PLAC1: variants seen among roughly 807,000 people sequenced by gnomAD.
PLAC1 encodes the protein placenta-specific protein 1.
For missense variants in PLAC1, 136 were observed against 163.2 expected, an observed-to-expected ratio of 0.83 and a Z score of 0.91; for synonymous variants, 68 against 62.1, an observed-to-expected ratio of 1.09 and a Z score of -0.44.
chrX:134,659,729 A>C, upstream of PLAC1, among the ~76,000 whole-genome samples: 1 of 112,378 alleles, frequency 8.9e-6, no homozygotes. Flanking sequence ...GTTGATGCAA[A>C]AGTAATTGCG....
chrX:134,659,213 T>A (rs1421549055), upstream of PLAC1, among the ~76,000 whole-genome samples: 3 of 107,835 alleles, frequency 2.8e-5, no homozygotes, highest in Non-Finnish European at 5.8e-5. Context: ...ACTTAAAATT[T>A]AAAAAAAAAA....
In PLAC1 at chrX:134,723,987, G is replaced by GAA. The variant is rs34039114; in HGVS notation, n.174+9446_174+9447dup. Among the ~76,000 whole-genome samples, 58 of 101,472 alleles carry GAA rather than the reference G, an allele frequency of 5.7e-4. No homozygotes were observed. The Middle Eastern group carries it at 0.02, about 36-fold the overall frequency. 88.1% of individuals were successfully genotyped at this position (101,472 alleles called of 115,157 possible). ...AAACGTGTAACCTCAATCTAATCAT[G>GAA]AAAAAAAAAAACATAAAACAAATCT... is the stretch of plus-strand genomic sequence containing the variant. On this transcript the variant is annotated intron_variant and non_coding_transcript_variant, in intron 2 of 2. Coordinates refer to the PLAC1 transcript ENST00000466797.
intron 1 of PLAC1, among the ~76,000 whole-genome samples, chrX:134,640,455 T>C (rs1247011232): frequency 1.8e-5 from 2 of 112,048 alleles, no homozygotes; most frequent in East Asian, 2.8e-4. Context: ...GGACACCTCA[T>C]CTAGCCCTTT....
chrX:134,590,745 A>G (rs2078034767), intron 2 of PLAC1, among the ~76,000 whole-genome samples: 1 of 110,946 alleles, frequency 9.0e-6, no homozygotes, highest in African/African-American at 3.3e-5. Context: ...AGCTGGGACT[A>G]CAGGCTCAAG....
intron 1 of PLAC1, among the ~76,000 whole-genome samples, chrX:134,648,202 C>T (rs1443580310): frequency 9.0e-6 from 1 of 111,200 alleles, no homozygotes; most frequent in Non-Finnish European, 1.9e-5. Flanking sequence ...CAGCTGATAA[C>T]AGCTATCTCT....
chrX:134,570,459 G>A (rs1269713428), intron 2 of PLAC1, among the ~76,000 whole-genome samples: 2 of 111,394 alleles, frequency 1.8e-5, no homozygotes, highest in African/African-American at 3.3e-5. Context: ...TTGGGGACTG[G>A]GGAAGAAATA....
chrX:134,581,903 T>G (rs2077976934), intron 2 of PLAC1, among the ~76,000 whole-genome samples: 1 of 111,910 alleles, frequency 8.9e-6, no homozygotes, highest in African/African-American at 3.3e-5. Context: ...AAACCAGAAG[T>G]GCTGGCCTAT....
chrX:134,605,110 C>A (rs2078116260), intron 1 of PLAC1, among the ~76,000 whole-genome samples: 1 of 111,762 alleles, frequency 8.9e-6, no homozygotes, highest in Non-Finnish European at 1.9e-5. Flanking sequence ...CCCTCTCCAG[C>A]CTGGCTTTCT....
Position 134,619,866 on chromosome X carries a change from A to G in PLAC1, c.-130-17744T>C, listed in dbSNP as rs189528395. On this transcript the variant is annotated intron_variant, in intron 1 of 2. Coordinates refer to ENST00000359237, the MANE Select transcript of PLAC1 (RefSeq NM_021796.4). ...CTCTATTTCCCTAGTGCCCCATGCA[A>G]TTAGAAATGATGATGGCACAGACGA... Among the ~76,000 whole-genome samples the G allele has an allele frequency of 7.2e-5, 8 of 111,848 alleles. No homozygotes were observed. In the East Asian group the frequency reaches 2.2e-3, roughly 31 times the overall value.
chrX:134,687,815 CATATATATATATATATATAT>C (rs56675396), intron 2 of PLAC1, among the ~76,000 whole-genome samples: 367 of 31,136 alleles, frequency 0.012, 12 homozygotes, highest in African/African-American at 0.032. Flanking sequence ...ACTGAGATAA[CATATATATATATATATATAT>C]ATATATATAT....
At position 134,743,252 on chromosome X, in the gene PLAC1, A is replaced by G. The variant is rs889205185; in HGVS notation, n.90-9733T>C. ...CTAAGCCTGAAACCTTGACTCTAACATATATTGCATGTTTTTTCCTAATTC... is the reference window on the plus strand; with the variant it reads ...CTAAGCCTGAAACCTTGACTCTAACGTATATTGCATGTTTTTTCCTAATTC... On this transcript the variant is annotated intron_variant and non_coding_transcript_variant, in intron 1 of 2. Coordinates refer to the PLAC1 transcript ENST00000466797. Among the ~76,000 whole-genome samples, 30 of 112,573 alleles carry G rather than the reference A, an allele frequency of 2.7e-4. 1 individual carries two copies. The highest frequency in any genetic ancestry group is 3.2e-4 in the Non-Finnish European group (17 of 53,300).
chrX:134,751,251 G>A (rs2078744461), intron 1 of PLAC1, among the ~76,000 whole-genome samples: 1 of 108,925 alleles, frequency 9.2e-6, no homozygotes, highest in African/African-American at 3.4e-5. Flanking sequence ...GCTCCTGAAT[G>A]GGACGGTGCA....
At chrX:134,596,936 TC>T (rs200844600) in intron 2 of PLAC1, among the ~76,000 whole-genome samples, 5,943 of 110,969 alleles carry the variant, frequency 0.054, 402 homozygotes, top group African/African-American at 0.19. Context: ...AAGATTGTTT[TC>T]TTTGTCTTTA....
chrX:134,620,669 C>A (rs942935884), intron 1 of PLAC1, among the ~76,000 whole-genome samples: 6 of 111,946 alleles, frequency 5.4e-5, no homozygotes, highest in Non-Finnish European at 7.5e-5. Context: ...ACAGTCCTTA[C>A]CCTGCCTATC....
intron 1 of PLAC1, among the ~76,000 whole-genome samples, chrX:134,603,623 C>T (rs942925201): frequency 2.0e-4 from 22 of 108,234 alleles, no homozygotes; most frequent in Non-Finnish European, 3.4e-4. Context: ...TGTGAGCAAC[C>T]GCACCCAGCT....
intron 1 of PLAC1, among the ~76,000 whole-genome samples, chrX:134,640,032 G>T (rs1470048731): frequency 4.0e-4 from 45 of 112,024 alleles, no homozygotes; most frequent in Non-Finnish European, 3.8e-5. Context: ...GTGCTGTTGT[G>T]AACACACATG....
At chrX:134,656,788 C>G (rs961967374) in intron 1 of PLAC1, among the ~76,000 whole-genome samples, 1 of 111,373 alleles carries the variant, frequency 9.0e-6, no homozygotes, top group Non-Finnish European at 1.9e-5. Flanking sequence ...TGTCTCCCTA[C>G]ATTGCTCAGG....
At chrX:134,702,687 C>T (rs1421630363) in intron 2 of PLAC1, among the ~76,000 whole-genome samples, 1 of 111,649 alleles carries the variant, frequency 9.0e-6, no homozygotes, top group African/African-American at 3.3e-5. Flanking sequence ...TATCCCAAAC[C>T]TCAGCATCAT....
intron 1 of PLAC1, among the ~76,000 whole-genome samples, chrX:134,617,956 A>T (rs965205829): frequency 6.3e-5 from 7 of 111,998 alleles, no homozygotes; most frequent in Non-Finnish European, 1.1e-4. Context: ...TGCTCTGCTT[A>T]CCTCATATGG....
Sources: gnomAD v4.1 joint callset for allele counts (sites outside exome capture counted in the v4.1 genomes callset) on GRCh38, gnomAD v4.1.1 for gene constraint, MANE v1.5 for transcripts, NCBI Gene and HGNC (gene_info 2026-07-23, HGNC 2026-07-21) for gene names.